ZMAT4: variants seen among roughly 807,000 people sequenced by gnomAD.
ZMAT4 encodes the protein zinc finger matrin-type 4.
ZMAT4 carries 17 observed loss-of-function variants against 28.7 expected under a neutral mutation model. The ratio of observed to expected loss-of-function variants is 0.59; its 90% CI spans 0.41 to 0.89. The LOEUF is 0.89. Ranked by LOEUF, ZMAT4 falls within the 40% of genes least tolerant of loss-of-function variation. The probability of loss-of-function intolerance (pLI) is 0.00; values close to 1 mark genes in which losing one functional copy is unlikely to be tolerated. For synonymous variants in ZMAT4, 117 were observed against 109.2 expected, an observed-to-expected ratio of 1.07 and a Z score of -0.44; for missense variants, 240 against 283.8, an observed-to-expected ratio of 0.85 and a Z score of 1.11.
intron 2 of ZMAT4, among the ~76,000 whole-genome samples, chr8:40,818,167 C>G (rs1207960053): frequency 2.0e-5 from 3 of 152,210 alleles, no homozygotes; most frequent in African/African-American, 7.2e-5. Context: ...GTTATAGCCT[C>G]TTACCAGCAA....
intron 2 of ZMAT4, among the ~76,000 whole-genome samples, chr8:40,781,349 A>G (rs1813815898): frequency 6.6e-6 from 1 of 152,328 alleles, no homozygotes; most frequent in East Asian, 1.9e-4. Context: ...CAATCTTGCA[A>G]TGAACAAAGT....
chr8:40,672,870 A>C (rs1032728101), intron 5 of ZMAT4, among the ~76,000 whole-genome samples: 2 of 152,196 alleles, frequency 1.3e-5, no homozygotes, highest in Non-Finnish European at 2.9e-5. Flanking sequence ...TCCATCAAAA[A>C]GCAGTAGTAC....
Position 40,600,570 on chromosome 8 carries a change from G to C in ZMAT4, c.578-19309C>G, listed in dbSNP as rs538858783. ...GCTGTCCTAATCTCAAGAAGAGGAA[G>C]TGAGGAAGTTCTAATTCTATGCCCC... On this transcript the variant is annotated intron_variant, in intron 5 of 6. Coordinates refer to ENST00000297737, the MANE Select transcript of ZMAT4 (RefSeq NM_024645.3). Among the ~76,000 whole-genome samples the C allele has an allele frequency of 2.6e-5, 4 of 152,314 alleles. No individual in the cohort carries two copies. In the South Asian group the frequency reaches 6.2e-4, roughly 24 times the overall value.
At chr8:40,701,217 C>T (rs1810130519) in intron 3 of ZMAT4, among the ~76,000 whole-genome samples, 1 of 152,124 alleles carries the variant, frequency 6.6e-6, no homozygotes, top group Non-Finnish European at 1.5e-5. Context: ...TGAGCAATCT[C>T]ATTATCATAT....
At chr8:40,866,221 A>C (rs1324542818) in intron 1 of ZMAT4, among the ~76,000 whole-genome samples, 1 of 152,182 alleles carries the variant, frequency 6.6e-6, no homozygotes, top group Non-Finnish European at 1.5e-5. Flanking sequence ...CTTTAGTTCT[A>C]TATCTTGTCT....
chr8:40,774,119 G>A (rs1291484943), intron 2 of ZMAT4, among the ~76,000 whole-genome samples: 1 of 151,988 alleles, frequency 6.6e-6, no homozygotes, highest in African/African-American at 2.4e-5. Context: ...CCACAAAGTA[G>A]GAAAAATATT....
intron 1 of ZMAT4, among the ~76,000 whole-genome samples, chr8:40,838,022 C>A (rs1816560859): frequency 6.6e-6 from 1 of 152,212 alleles, no homozygotes; most frequent in South Asian, 2.1e-4. Context: ...CACTGGGATG[C>A]CAGGTAATGA....
chr8:40,704,949 TCCCATG>T (rs1432424313), intron 3 of ZMAT4, among the ~76,000 whole-genome samples: 1 of 152,046 alleles, frequency 6.6e-6, no homozygotes, highest in Non-Finnish European at 1.5e-5. Context: ...ATGTTCAGAG[TCCCATG>T]GGGAAGCTGT....
chr8:40,785,601 C>T (rs1814039839), intron 2 of ZMAT4, among the ~76,000 whole-genome samples: 1 of 152,110 alleles, frequency 6.6e-6, no homozygotes, highest in African/African-American at 2.4e-5. Context: ...TTCTTCCTGA[C>T]CCTCATCATT....
intron 5 of ZMAT4, among the ~76,000 whole-genome samples, chr8:40,648,193 G>A (rs1041183038): frequency 6.6e-5 from 10 of 152,088 alleles, no homozygotes; most frequent in South Asian, 6.2e-4. Context: ...TTAGAAGAAC[G>A]TATAACTAGA....
At chr8:40,601,888 T>C (rs1169508799) in intron 5 of ZMAT4, among the ~76,000 whole-genome samples, 3 of 152,176 alleles carry the variant, frequency 2.0e-5, no homozygotes, top group African/African-American at 7.2e-5. Context: ...ATTTTTTCAG[T>C]AGGGTTTTGG....
At chr8:40,555,270 A>C (rs892716433) in intron 6 of ZMAT4, among the ~76,000 whole-genome samples, 3 of 152,206 alleles carry the variant, frequency 2.0e-5, no homozygotes, top group South Asian at 2.1e-4. Flanking sequence ...TACTGCCACA[A>C]TAAACATGTG....
At chr8:40,759,726 C>T (rs1443912843) in intron 3 of ZMAT4, among the ~76,000 whole-genome samples, 1 of 152,180 alleles carries the variant, frequency 6.6e-6, no homozygotes, top group Non-Finnish European at 1.5e-5. Context: ...TGTTGAACTT[C>T]AGCTGAAGTC....
At chr8:40,789,975 A>G (rs1444418653) in intron 2 of ZMAT4, among the ~76,000 whole-genome samples, 1 of 152,184 alleles carries the variant, frequency 6.6e-6, no homozygotes, top group Admixed American at 6.5e-5. Flanking sequence ...CCAGTCATGT[A>G]CACTGCCCCA....
chr8:40,778,881 G>A (rs547295095), intron 2 of ZMAT4, among the ~76,000 whole-genome samples: 1 of 152,312 alleles, frequency 6.6e-6, no homozygotes, highest in Non-Finnish European at 1.5e-5. Flanking sequence ...CCAGGTGGTT[G>A]AGTAGAGGAT....
intron 4 of ZMAT4, among the ~76,000 whole-genome samples, chr8:40,681,158 G>T (rs143162238): frequency 1.1e-4 from 16 of 152,276 alleles, no homozygotes; most frequent in African/African-American, 3.9e-4. Flanking sequence ...AAGTGGTAAA[G>T]ACCAGATCTC....
rs546289171 is a variant in ZMAT4, at chr8:40,677,155, A to T, written c.350-2224T>A. ...GATTTTATCAACTGATACCTTCTAC[A>T]CCATATCCTGGTAGGAGTGAGGCAC... On this transcript the variant is annotated intron_variant, in intron 4 of 6. Transcript: ENST00000297737. Among the ~76,000 whole-genome samples, 3 of 152,298 alleles carry T rather than the reference A, an allele frequency of 2.0e-5. No homozygotes were observed. The South Asian group carries it at 6.2e-4, about 32-fold the overall frequency.
At chr8:40,879,250 G>A (rs1009103623) in intron 1 of ZMAT4, among the ~76,000 whole-genome samples, 7 of 152,114 alleles carry the variant, frequency 4.6e-5, no homozygotes, top group South Asian at 2.1e-4. Context: ...GGCCAGACCC[G>A]AGCTCTACAA....
chr8:40,767,711 T>C lies in ZMAT4; in HGVS notation c.122A>G (p.Lys41Arg), dbSNP rs746061416. Residue 41 changes from lysine to arginine, a missense_variant, in exon 3 of 7, where the codon AAA becomes AGA. By Grantham distance (26) the Lys-to-Arg change is conservative. Transcript: ENST00000297737. ...GTGAAGCATGTAATACAGTCGGACT[T>C]TGCTTGCATGTTTTCGACTCTGGGA... ...AHYESRKHASKVRLYYMLHPR... is the reference protein window; with the variant it reads ...AHYESRKHASRVRLYYMLHPR... 63 of 1,612,452 alleles carry C rather than the reference T, an allele frequency of 3.9e-5. No homozygotes were observed. Among genetic ancestry groups the C allele is most frequent in the South Asian group, 2.9e-4 (26 of 90,702 alleles).
Sources: gnomAD v4.1 joint callset for allele counts (sites outside exome capture counted in the v4.1 genomes callset) on GRCh38, gnomAD v4.1.1 for gene constraint, MANE v1.5 for transcripts, NCBI Gene and HGNC (gene_info 2026-07-23, HGNC 2026-07-21) for gene names.